HSD17B12: variants seen among roughly 807,000 people sequenced by gnomAD.
The protein encoded by HSD17B12 is hydroxysteroid 17-beta dehydrogenase 12.
A neutral mutation model predicts 39.3 loss-of-function variants in HSD17B12; 32 were observed. The ratio of observed to expected loss-of-function variants is 0.81; its 90% CI spans 0.61 to 1.09. HSD17B12 has a LOEUF of 1.09. HSD17B12 is among the 50% of genes least tolerant of loss of function. The probability of loss-of-function intolerance (pLI) is 0.00; values close to 1 mark genes in which losing one functional copy is unlikely to be tolerated. For synonymous variants in HSD17B12, 150 were observed against 146.7 expected (o/e 1.02, Z -0.16); for missense variants, 342 against 382.9 (o/e 0.89, Z 0.89).
At chr11:43,574,980 G>T in the HSD17B12 span, among the ~76,000 whole-genome samples, 5 of 152,186 alleles carry the variant, frequency 3.3e-5, no homozygotes, top group Admixed American at 3.3e-4. Context: ...GGGGAAAGCC[G>T]CAGTAGCAAG....
the HSD17B12 span, among the ~76,000 whole-genome samples, chr11:43,658,039 G>T: frequency 6.6e-6 from 1 of 152,206 alleles, no homozygotes; most frequent in Non-Finnish European, 1.5e-5. Flanking sequence ...ACACCAATTA[G>T]ACGTAGATTT....
intron 7 of HSD17B12, chr11:43,838,017 A>G (rs1951387905): frequency 2.9e-6 from 1 of 345,536 alleles, no homozygotes; most frequent in Non-Finnish European, 5.3e-6. Flanking sequence ...CACTGTGGCT[A>G]GAGAAGACCT....
intron 6 of HSD17B12, among the ~76,000 whole-genome samples, chr11:43,820,846 G>A (rs1951175475): frequency 6.6e-6 from 1 of 152,206 alleles, no homozygotes; most frequent in Non-Finnish European, 1.5e-5. Context: ...GCATCTTATT[G>A]TAAGGCCTGT....
At chr11:43,812,803 G>T (rs1185234111) in intron 4 of HSD17B12, among the ~76,000 whole-genome samples, 3 of 152,042 alleles carry the variant, frequency 2.0e-5, no homozygotes, top group Non-Finnish European at 4.4e-5. Context: ...GCTTTCCTTT[G>T]CTCAATTATC....
chr11:43,579,649 A>C, the HSD17B12 span: 36 of 152,128 alleles, frequency 2.4e-4, no homozygotes, highest in African/African-American at 8.2e-4. Context: ...GCGGGCGCAG[A>C]CCGCGGAGCC....
intron 1 of HSD17B12, among the ~76,000 whole-genome samples, chr11:43,746,807 G>A (rs542322975): frequency 3.3e-5 from 5 of 152,226 alleles, no homozygotes; most frequent in Admixed American, 6.5e-5. Context: ...AATGCATTAC[G>A]TTATGACATT....
intron 4 of HSD17B12, among the ~76,000 whole-genome samples, chr11:43,805,684 A>G (rs1951011459): frequency 6.6e-6 from 1 of 152,186 alleles, no homozygotes; most frequent in South Asian, 2.1e-4. Flanking sequence ...TGTGCTTTCT[A>G]AGGGTATAAA....
intron 1 of HSD17B12, among the ~76,000 whole-genome samples, chr11:43,710,526 AT>A (rs1166497550): frequency 6.6e-6 from 1 of 152,194 alleles, no homozygotes; most frequent in Non-Finnish European, 1.5e-5. Context: ...TTGAGGGGAA[AT>A]GATATGTGAT....
intron 9 of HSD17B12, chr11:43,852,438 A>G (rs1951540785): frequency 6.6e-6 from 1 of 150,404 alleles, no homozygotes; most frequent in African/African-American, 2.4e-5. Context: ...TACCTTTACC[A>G]GGCTTGTGAT....
chr11:43,706,567 G>A (rs937799584), intron 1 of HSD17B12, among the ~76,000 whole-genome samples: 2 of 152,146 alleles, frequency 1.3e-5, no homozygotes, highest in African/African-American at 2.4e-5. Flanking sequence ...ACCTCAGTCT[G>A]TGAAGACTTT....
chr11:43,800,261 G>T (rs1950953813), intron 4 of HSD17B12, among the ~76,000 whole-genome samples: 1 of 152,220 alleles, frequency 6.6e-6, no homozygotes, highest in Non-Finnish European at 1.5e-5. Context: ...AGGGGATAAA[G>T]GCTAGCTTAG....
chr11:43,750,216 G>A (rs775582030), intron 1 of HSD17B12, among the ~76,000 whole-genome samples: 4 of 152,022 alleles, frequency 2.6e-5, no homozygotes, highest in Non-Finnish European at 4.4e-5. Context: ...GAAGATTCCC[G>A]TATTGCCCTT....
chr11:43,793,282 T>C (rs1168214295), intron 3 of HSD17B12, among the ~76,000 whole-genome samples: 1 of 152,092 alleles, frequency 6.6e-6, no homozygotes, highest in African/African-American at 2.4e-5. Context: ...ATGACAGAAA[T>C]TTCATAATGG....
chr11:43,765,875 C>T (rs986119177), intron 3 of HSD17B12, among the ~76,000 whole-genome samples: 1 of 152,136 alleles, frequency 6.6e-6, no homozygotes, highest in Non-Finnish European at 1.5e-5. Flanking sequence ...ACTCTTTTGC[C>T]CAGGACGGAC....
At chr11:43,599,088 T>G in the HSD17B12 span, among the ~76,000 whole-genome samples, 1 of 152,226 alleles carries the variant, frequency 6.6e-6, no homozygotes. Flanking sequence ...TTTTATAATA[T>G]TATTGCTATC....
intron 1 of HSD17B12, chr11:43,734,069 T>C (rs1950293998): frequency 1.1e-6 from 1 of 945,238 alleles, no homozygotes; most frequent in South Asian, 1.3e-5. Flanking sequence ...AACTTCCTCA[T>C]ATCTTCACCA....
At chr11:43,620,039 T>C in the HSD17B12 span, among the ~76,000 whole-genome samples, 1 of 152,208 alleles carries the variant, frequency 6.6e-6, no homozygotes, top group Non-Finnish European at 1.5e-5. Flanking sequence ...TTAGAAACAA[T>C]GCTGAGTCAC....
At chr11:43,557,300 A>G in the HSD17B12 span, among the ~76,000 whole-genome samples, 143,599 of 152,214 alleles carry the variant, frequency 0.94, 68,306 homozygotes, top group East Asian at 1. Flanking sequence ...CCACTTGGCC[A>G]TATCTTGGAT....
intron 3 of HSD17B12, among the ~76,000 whole-genome samples, chr11:43,770,202 A>G (rs181086041): frequency 1.3e-4 from 20 of 152,276 alleles, no homozygotes; most frequent in African/African-American, 4.3e-4. Flanking sequence ...GTTTGTTTTA[A>G]AAATCAGTAC....
Sources: allele counts gnomAD v4.1 joint callset (sites outside exome capture counted in the v4.1 genomes callset), GRCh38; gene constraint gnomAD v4.1.1; transcripts MANE v1.5; gene names NCBI Gene and HGNC (gene_info 2026-07-23, HGNC 2026-07-21).